Variants in GATA6 observed in about 807,000 individuals in gnomAD.
GATA6 encodes the protein transcription factor GATA-6.
Under a neutral mutation model 48.1 loss-of-function variants are expected in GATA6, and 11 were observed. The observed-to-expected ratio is 0.23, with a 90% CI of 0.14 to 0.38. The LOEUF is 0.38. GATA6 is among the 10% of genes least tolerant of loss of function. The pLI, the probability that GATA6 is intolerant of heterozygous loss-of-function variation, is 1.00. For synonymous variants in GATA6, 419 were observed against 396.1 expected (o/e 1.06, Z -0.69); for missense variants, 795 against 850.3 (o/e 0.93, Z 0.81).
At chr18:22,181,612 T>A in intron 4 of GATA6, 34 bp downstream of exon 4, 1 of 1,612,722 alleles carries the variant, frequency 6.2e-7, no homozygotes, top group Non-Finnish European at 8.5e-7. Flanking sequence ...TGTATATACA[T>A]TTAGTATCTG....
chr18:22,171,988 T>C lies in GATA6; in HGVS notation c.844T>C (p.Tyr282His). 8.2e-7 allele frequency: 1 copy of C among 1,224,036 alleles called. No homozygotes were observed. The highest frequency in any genetic ancestry group is 1.0e-6 in the Non-Finnish European group (1 of 984,376). The allele number at this position is 1,224,036 out of a possible 1,614,324, so 75.8% of individuals were successfully genotyped here. A position where few individuals can be genotyped will look rare whatever the true frequency, so the allele number is the denominator to read the frequency against. The stretch of plus-strand genomic sequence containing the variant: ...CGGCGCCGCGCGGGAGCCGGGAGGC[T>C]ACGCGGCGGCGGGCAGTGGGGGCGC... ...ANGAAREPGG[Y>H]AAAGSGGAGG... Residue 282 changes from tyrosine to histidine, a missense_variant, in exon 2 of 7, where the codon TAC (tyrosine) becomes CAC (histidine). This residue lies in a region of GATA6 where 591 missense variants were observed against 570.0 expected (regional missense o/e 1.04). Transcript: ENST00000269216. The surrounding 1 kb of genome is among the most constrained non-coding windows in gnomAD (Gnocchi z 7.1).
In GATA6 at chr18:22,172,060, C is replaced by A. The variant is rs1200022383; in HGVS notation, c.916C>A (p.Arg306Ser). 1 of 1,282,160 alleles carries A rather than the reference C, an allele frequency of 7.8e-7. No individual in the cohort carries two copies. Among genetic ancestry groups the A allele is most frequent in the African/African-American group, 1.5e-5 (1 of 64,742 alleles). 79.4% of individuals were successfully genotyped at this position (1,282,160 alleles called of 1,614,324 possible). A position where few individuals can be genotyped will look rare whatever the true frequency, so the allele number is the denominator to read the frequency against. ...CAGTAGCCTGGCGGCCATGGGCGGCCGCGAGCCCCAGTACAGCTCGCTGTC... is the reference window on the plus strand; with the variant it reads ...CAGTAGCCTGGCGGCCATGGGCGGCAGCGAGCCCCAGTACAGCTCGCTGTC... ...GGSSLAAMGG[R>S]EPQYSSLSAA... Residue 306 changes from arginine (R) to serine (S), a missense_variant, in exon 2 of 7, where the codon CGC becomes AGC. Physicochemically the swap from Arg to Ser is moderately radical, Grantham distance 110. Coordinates refer to ENST00000269216, the MANE Select transcript of GATA6 (RefSeq NM_005257.6). The surrounding 1 kb of genome is among the most constrained non-coding windows in gnomAD (Gnocchi z 5.2).
In GATA6 at chr18:22,201,011, A is replaced by G; in HGVS notation, c.*188A>G. ...TGAGAGAAGATGGAAGGGAAGGGCC[A>G]GTGCAACTGGGCGCTTGGGCCACTC... is the stretch of plus-strand genomic sequence containing the variant. On this transcript the variant is annotated 3_prime_UTR_variant, in exon 7 of 7. Transcript: ENST00000269216. 1.3e-6 allele frequency: 1 copy of G among 779,866 alleles called. No individual in the cohort carries two copies. Among genetic ancestry groups the G allele is most frequent in the Non-Finnish European group, 2.0e-6 (1 of 499,960 alleles). The allele number at this position is 779,866 out of a possible 1,614,324, so 48.3% of individuals were successfully genotyped here. A position where few individuals can be genotyped will look rare whatever the true frequency, so the allele number is the denominator to read the frequency against.
chr18:22,174,685 G>A (rs530725902), intron 2 of GATA6, among the ~76,000 whole-genome samples: 2 of 152,046 alleles, frequency 1.3e-5, no homozygotes, highest in African/African-American at 4.8e-5. Flanking sequence ...GTCCTCACAG[G>A]TATTCTGAGG....
At chr18:22,176,718 C>T (rs927687630) in intron 2 of GATA6, 4 of 484,146 alleles carry the variant, frequency 8.3e-6, no homozygotes, top group Non-Finnish European at 1.5e-5. Flanking sequence ...TGTCTCTTTC[C>T]CGGAGTCTCT....
chr18:22,181,373 AC>A, intron 3 of GATA6, 79 bp from the exon 4 acceptor site: 1 of 1,483,598 alleles, frequency 6.7e-7, no homozygotes, highest in Non-Finnish European at 9.4e-7. Context: ...GATGACAGGG[AC>A]AAAATACCTT....
At chr18:22,190,489 A>G (rs2033312993) in intron 6 of GATA6, among the ~76,000 whole-genome samples, 1 of 152,204 alleles carries the variant, frequency 6.6e-6, no homozygotes, top group Admixed American at 6.5e-5. Flanking sequence ...AGCATTTCTT[A>G]ATAGTGAAGT....
chr18:22,174,381 T>TCTA (rs1419201463), intron 2 of GATA6, among the ~76,000 whole-genome samples: 1 of 152,214 alleles, frequency 6.6e-6, no homozygotes, highest in East Asian at 1.9e-4. Flanking sequence ...GAAATCCTTT[T>TCTA]AGAGGCAGTA....
In GATA6 at chr18:22,171,011, G is replaced by C. The variant is rs913361490; in HGVS notation, c.-37-97G>C. The C allele has an allele frequency of 1.6e-5, 12 of 735,338 alleles. No individual in the cohort carries two copies. The highest frequency in any genetic ancestry group is 2.6e-5 in the Non-Finnish European group (11 of 422,176). The allele number at this position is 735,338 out of a possible 1,614,324, so 45.6% of individuals were successfully genotyped here. On this transcript the variant is annotated intron_variant, in intron 1 of 6. Coordinates refer to ENST00000269216, the MANE Select transcript of GATA6 (RefSeq NM_005257.6). The surrounding 1 kb of genome is among the most constrained non-coding windows in gnomAD (Gnocchi z 7.1). ...ATCTTTGAGAAGTCAGATCCCATTTGAACTAGAAAAAGGAGTGGAGGCGAG... is the reference window on the plus strand; with the variant it reads ...ATCTTTGAGAAGTCAGATCCCATTTCAACTAGAAAAAGGAGTGGAGGCGAG...
chr18:22,188,572 G>C (rs985645628), intron 6 of GATA6, among the ~76,000 whole-genome samples: 1 of 152,154 alleles, frequency 6.6e-6, no homozygotes, highest in Non-Finnish European at 1.5e-5. Flanking sequence ...GTGGAAAGTA[G>C]ATACTTGAAA....
At position 22,185,659 on chromosome 18, in the gene GATA6, G is replaced by C. The variant is rs895870041; in HGVS notation, c.1620+2616G>C. ...TGGATGTCTCCAAAAGCCTCTACCT[G>C]CTGTGGCCATTGTGGGGAAACAGCT... On this transcript the variant is annotated intron_variant, in intron 6 of 6. Coordinates refer to ENST00000269216, the MANE Select transcript of GATA6 (RefSeq NM_005257.6). The surrounding 1 kb of genome is among the most constrained non-coding windows in gnomAD (Gnocchi z 4.3). 1.3e-5 allele frequency among the ~76,000 whole-genome samples: 2 copies of C among 152,238 alleles called. No homozygotes were observed. Among genetic ancestry groups the C allele is most frequent in the African/African-American group, 4.8e-5 (2 of 41,468 alleles).
Position 22,172,243 on chromosome 18 carries a change from G to A in GATA6, c.1099G>A (p.Gly367Arg). 1 of 1,533,762 alleles carries A rather than the reference G, an allele frequency of 6.5e-7. No individual in the cohort carries two copies. Among genetic ancestry groups the A allele is most frequent in the Non-Finnish European group, 8.7e-7 (1 of 1,146,148 alleles). ...GCTGCACAGCCTGCAGAGCCGCGCCGGAGCCCCGCTCCCGGTGCCCCGGGG... is the reference window on the plus strand; with the variant it reads ...GCTGCACAGCCTGCAGAGCCGCGCCAGAGCCCCGCTCCCGGTGCCCCGGGG... ...PVLHSLQSRA[G>R]APLPVPRGPS... Residue 367 changes from glycine to arginine, a missense_variant, in exon 2 of 7, where the codon GGA (glycine) becomes AGA (arginine). Around this residue, in one of 5 missense-constraint regions of GATA6, gnomAD observed 591 missense variants for 570.0 expected, o/e 1.04. Coordinates refer to ENST00000269216, the MANE Select transcript of GATA6 (RefSeq NM_005257.6). The surrounding 1 kb of genome is among the most constrained non-coding windows in gnomAD (Gnocchi z 5.2).
chr18:22,191,901 G>A (rs1357986432), intron 6 of GATA6, among the ~76,000 whole-genome samples: 2 of 152,214 alleles, frequency 1.3e-5, no homozygotes, highest in African/African-American at 2.4e-5. Flanking sequence ...AACATCTGAC[G>A]ATGCTTAAAT....
At position 22,171,709 on chromosome 18, in the gene GATA6, G is replaced by C; in HGVS notation, c.565G>C (p.Val189Leu). 1.3e-6 allele frequency: 2 copies of C among 1,495,254 alleles called. No individual in the cohort carries two copies. Among genetic ancestry groups the C allele is most frequent in the Non-Finnish European group, 1.8e-6 (2 of 1,130,828 alleles). 92.6% of individuals were successfully genotyped at this position (1,495,254 alleles called of 1,614,324 possible). Residue 189 changes from valine to leucine, a missense_variant, in exon 2 of 7, where the codon GTG becomes CTG. Physicochemically the swap from Val to Leu is conservative, Grantham distance 32 (BLOSUM62 1). This residue lies in a region of GATA6 where 591 missense variants were observed against 570.0 expected (regional missense o/e 1.04). Transcript: ENST00000269216. This position sits in a 1 kb window ranked among gnomAD's most constrained non-coding sequence, Gnocchi z 7.1. ...GGCGGCGGCCAGCTCCCCGGTCTAC[G>C]TGCCCACCACCCGCGTGGGTTCCAT... Reference protein sequence around the residue: ...AAAAASSPVYVPTTRVGSMLP... With the variant: ...AAAAASSPVYLPTTRVGSMLP...
Position 22,181,467 on chromosome 18 carries a change from G to T in GATA6, c.1317G>T (p.Arg439=), listed in dbSNP as rs771024527. The stretch of plus-strand genomic sequence containing the variant: ...ACTGTTTCTAGCCTTCATCACGGCG[G>T]CTTGGATTGTCCTGTGCCAACTGTC... The part of the protein sequence containing the change: ...KPQKRVPSSR[R]LGLSCANCHT... Residue 439 remains arginine (R), a synonymous_variant, in exon 4 of 7, where the codon CGG becomes CGT. Transcript: ENST00000269216. 1 of 1,614,120 alleles carries T rather than the reference G, an allele frequency of 6.2e-7. No individual in the cohort carries two copies. The highest frequency in any genetic ancestry group is 2.2e-5 in the East Asian group (1 of 44,880).
intron 6 of GATA6, among the ~76,000 whole-genome samples, chr18:22,190,945 A>G (rs1337786170): frequency 6.6e-6 from 1 of 151,532 alleles, no homozygotes; most frequent in African/African-American, 2.4e-5. Flanking sequence ...TCACCCCGGC[A>G]GGGAATGTTC....
chr18:22,184,652 A>C (rs1166716907), intron 6 of GATA6, among the ~76,000 whole-genome samples: 2 of 151,176 alleles, frequency 1.3e-5, no homozygotes, highest in Non-Finnish European at 2.9e-5. Context: ...ACACCAACTC[A>C]CCTGGCTAAT....
At chr18:22,186,291 G>A (rs572743996) in intron 6 of GATA6, among the ~76,000 whole-genome samples, 232 of 152,254 alleles carry the variant, frequency 1.5e-3, no homozygotes, top group African/African-American at 4.2e-3. Context: ...GCAGAAGGTG[G>A]AACTGGGGGC....
At position 22,171,863 on chromosome 18, in the gene GATA6, G is replaced by A; in HGVS notation, c.719G>A (p.Gly240Asp). Residue 240 changes from glycine to aspartate, a missense_variant, in exon 2 of 7, where the codon GGC becomes GAC. Physicochemically the swap from Gly to Asp is moderately conservative, Grantham distance 94. Around this residue, in one of 5 missense-constraint regions of GATA6, gnomAD observed 591 missense variants for 570.0 expected, o/e 1.04. Coordinates refer to ENST00000269216, the MANE Select transcript of GATA6 (RefSeq NM_005257.6). The surrounding 1 kb of genome is among the most constrained non-coding windows in gnomAD (Gnocchi z 7.1). ...AGCCCTCCATACGGCAGCGGAGGCG[G>A]CGCGGCTGGCGGCGGGGCCGCGGGG... ...ADSPPYGSGG[G>D]AAGGGAAGPG... The A allele has an allele frequency of 2.6e-6, 3 of 1,173,194 alleles. No homozygotes were observed. Among genetic ancestry groups the A allele is most frequent in the Non-Finnish European group, 3.2e-6 (3 of 951,114 alleles). 72.7% of individuals were successfully genotyped at this position (1,173,194 alleles called of 1,614,324 possible). A position where few individuals can be genotyped will look rare whatever the true frequency, so the allele number is the denominator to read the frequency against.
Sources: allele counts gnomAD v4.1 joint callset (sites outside exome capture counted in the v4.1 genomes callset), GRCh38; gene constraint gnomAD v4.1.1; regional missense constraint gnomAD v4.1.1; non-coding constraint Gnocchi (gnomAD v3.1); transcripts MANE v1.5; gene names NCBI Gene and HGNC (gene_info 2026-07-23, HGNC 2026-07-21).